MDGA2: variants seen among roughly 807,000 people sequenced by gnomAD.
The protein encoded by MDGA2 is MAM domain containing glycosylphosphatidylinositol anchor 2.
In MDGA2, 40 loss-of-function variants were observed where a neutral mutation model predicts 117.8. The ratio of observed to expected loss-of-function variants is 0.34; its 90% CI spans 0.26 to 0.44. MDGA2 has a LOEUF of 0.44. MDGA2 is among the 20% of genes least tolerant of loss of function. The probability of loss-of-function intolerance (pLI) is 1.00; values close to 1 mark genes in which losing one functional copy is unlikely to be tolerated. For synonymous variants in MDGA2, 452 were observed against 439.0 expected (o/e 1.03, Z -0.37); for missense variants, 1,123 against 1,250.6 (o/e 0.90, Z 1.54).
intron 8 of MDGA2, among the ~76,000 whole-genome samples, chr14:47,022,153 C>G (rs185710618): frequency 6.6e-6 from 1 of 152,192 alleles, no homozygotes; most frequent in South Asian, 2.1e-4. Context: ...GACACAATAA[C>G]GGCTCACTGC....
rs117375227 is a variant in MDGA2, at chr14:46,890,878, C to T, written c.2239-8657G>A. ...AATTGAAGTTGAAAAAACATTGAAT[C>T]TAAAACTTCCTACATAAATTAAGGG... On this transcript the variant is annotated intron_variant, in intron 10 of 16. Coordinates refer to ENST00000399232, the MANE Select transcript of MDGA2 (RefSeq NM_001113498.3). Among the ~76,000 whole-genome samples, 4 of 152,050 alleles carry T rather than the reference C, an allele frequency of 2.6e-5. No individual in the cohort carries two copies. The East Asian group carries it at 7.7e-4, about 29-fold the overall frequency.
intron 7 of MDGA2, among the ~76,000 whole-genome samples, chr14:47,050,903 C>T (rs1329360035): frequency 6.6e-6 from 1 of 151,884 alleles, no homozygotes; most frequent in Non-Finnish European, 1.5e-5. Flanking sequence ...TTTGGAGTGG[C>T]ATCCTTGGAA....
intron 6 of MDGA2, among the ~76,000 whole-genome samples, chr14:47,086,848 A>C (rs1266743531): frequency 6.6e-6 from 1 of 152,172 alleles, no homozygotes; most frequent in Non-Finnish European, 1.5e-5. Context: ...TGAGATTTGA[A>C]CAACACATTG....
At chr14:47,177,175 A>T (rs1884496089) in intron 3 of MDGA2, among the ~76,000 whole-genome samples, 1 of 152,198 alleles carries the variant, frequency 6.6e-6, no homozygotes. Flanking sequence ...GGATGTGGAG[A>T]AATAGGAACA....
chr14:47,015,234 T>C (rs543937015), intron 8 of MDGA2, among the ~76,000 whole-genome samples: 48 of 151,646 alleles, frequency 3.2e-4, no homozygotes, highest in African/African-American at 1.1e-3. Flanking sequence ...CAGATCACCA[T>C]TACAGATATA....
intron 2 of MDGA2, among the ~76,000 whole-genome samples, chr14:47,223,885 G>A (rs901304459): frequency 7.2e-5 from 11 of 152,058 alleles, no homozygotes; most frequent in Non-Finnish European, 1.6e-4. Flanking sequence ...TCACATGGCG[G>A]CAGGAGAGAG....
At chr14:47,622,798 G>A (rs1897073703) in intron 1 of MDGA2, among the ~76,000 whole-genome samples, 2 of 152,156 alleles carry the variant, frequency 1.3e-5, no homozygotes, top group African/African-American at 4.8e-5. Context: ...ACTAGGATTG[G>A]TCATAGTCAT....
chr14:47,565,757 G>T (rs974470360), intron 1 of MDGA2, among the ~76,000 whole-genome samples: 1 of 152,160 alleles, frequency 6.6e-6, no homozygotes, highest in Non-Finnish European at 1.5e-5. Flanking sequence ...ATCCACTGGG[G>T]TCCATGTGCA....
chr14:46,866,562 G>A (rs1304708381), intron 14 of MDGA2, among the ~76,000 whole-genome samples: 1 of 152,044 alleles, frequency 6.6e-6, no homozygotes, highest in Non-Finnish European at 1.5e-5. Flanking sequence ...AAACTAAAGA[G>A]CTTCTGCACA....
rs1368883452 is a variant in MDGA2 at position 47,645,530 on chromosome 14, G to A, written c.280+28987C>T. 4.0e-5 allele frequency among the ~76,000 whole-genome samples: 6 copies of A among 151,446 alleles called. No individual in the cohort carries two copies. In the South Asian group the frequency reaches 8.3e-4, roughly 21 times the overall value. ...ATTACAGGCGTGAGCCACCGCGCCC[G>A]GCCCAATTCAATTCTTATGATTCAC... On this transcript the variant is annotated intron_variant, in intron 1 of 16. Coordinates refer to ENST00000399232, the MANE Select transcript of MDGA2 (RefSeq NM_001113498.3).
intron 1 of MDGA2, among the ~76,000 whole-genome samples, chr14:47,637,653 A>T (rs776814544): frequency 1.3e-5 from 2 of 152,226 alleles, no homozygotes; most frequent in Non-Finnish European, 2.9e-5. Context: ...CTCTGCATAA[A>T]AATGCCCTCA....
chr14:47,039,960 C>T (rs560289264), intron 7 of MDGA2, among the ~76,000 whole-genome samples: 2 of 152,202 alleles, frequency 1.3e-5, no homozygotes, highest in African/African-American at 4.8e-5. Flanking sequence ...AATATGTTAA[C>T]TTGCTTCACT....
At chr14:47,365,148 C>A (rs1036023638) in intron 1 of MDGA2, among the ~76,000 whole-genome samples, 5 of 152,192 alleles carry the variant, frequency 3.3e-5, no homozygotes, top group Non-Finnish European at 7.3e-5. Flanking sequence ...TCAAATAATA[C>A]TTTCATCTCC....
chr14:47,143,273 A>G (rs2139198935), intron 4 of MDGA2, among the ~76,000 whole-genome samples: 1 of 152,318 alleles, frequency 6.6e-6, no homozygotes. Flanking sequence ...CACCACGCCT[A>G]GCCAATTTAT....
intron 10 of MDGA2, among the ~76,000 whole-genome samples, chr14:46,914,589 C>G (rs967363234): frequency 2.0e-5 from 3 of 151,940 alleles, no homozygotes; most frequent in Non-Finnish European, 2.9e-5. Flanking sequence ...TTATCAACCC[C>G]CTACATCTAT....
chr14:47,520,816 C>T (rs1186388447), intron 1 of MDGA2, among the ~76,000 whole-genome samples: 1 of 152,126 alleles, frequency 6.6e-6, no homozygotes, highest in Admixed American at 6.5e-5. Flanking sequence ...ACATGAAAAA[C>T]TTGAATAAAC....
chr14:47,063,618 C>CT (rs1349668372), intron 6 of MDGA2, among the ~76,000 whole-genome samples: 1 of 151,844 alleles, frequency 6.6e-6, no homozygotes, highest in Admixed American at 6.6e-5. Context: ...AATTTAATGT[C>CT]AAGAGCATTT....
chr14:46,899,831 C>T (rs1402234393), intron 10 of MDGA2, among the ~76,000 whole-genome samples: 2 of 151,904 alleles, frequency 1.3e-5, no homozygotes, highest in Non-Finnish European at 2.9e-5. Flanking sequence ...ATAGATCTAA[C>T]GTAAGAGGTT....
chr14:47,096,365 A>G lies in MDGA2; in HGVS notation c.1195+489T>C, dbSNP rs749262168. ...CCGTATCATATGACTATTGATATAT[A>G]TTATTTTCACTATCTGACAGTGGAA... On this transcript the variant is annotated intron_variant, in intron 6 of 16. Coordinates refer to ENST00000399232, the MANE Select transcript of MDGA2 (RefSeq NM_001113498.3). Among the ~76,000 whole-genome samples the G allele has an allele frequency of 5.9e-5, 9 of 152,098 alleles. No individual in the cohort carries two copies. In the Middle Eastern group the frequency reaches 0.01, roughly 172 times the overall value.
Sources: gnomAD v4.1 joint callset for allele counts (sites outside exome capture counted in the v4.1 genomes callset) on GRCh38, gnomAD v4.1.1 for gene constraint, MANE v1.5 for transcripts, NCBI Gene and HGNC (gene_info 2026-07-23, HGNC 2026-07-21) for gene names.